Variants in CTNNA3 observed in about 807,000 individuals in gnomAD.
The protein encoded by CTNNA3 is catenin alpha 3.
A neutral mutation model predicts 95.7 loss-of-function variants in CTNNA3; 76 were observed. That is an observed-to-expected ratio of 0.79 (90% CI 0.66 to 0.96). The LOEUF is 0.96. Ranked by LOEUF, CTNNA3 falls within the 40% of genes least tolerant of loss-of-function variation. CTNNA3 has a pLI of 0.00. For missense variants in CTNNA3, 1,191 were observed against 1,089.8 expected (o/e 1.09, Z -1.31); for synonymous variants, 431 against 374.4 (o/e 1.15, Z -1.74).
At chr10:66,415,970 G>A (rs1262670051) in intron 11 of CTNNA3, among the ~76,000 whole-genome samples, 1 of 152,032 alleles carries the variant, frequency 6.6e-6, no homozygotes, top group Non-Finnish European at 1.5e-5. Flanking sequence ...CAAAGGAGAT[G>A]GAATTCATAA....
Position 66,438,355 on chromosome 10 carries a change from C to T in CTNNA3, c.1532-59003G>A, listed in dbSNP as rs139903129. 7.0e-3 allele frequency among the ~76,000 whole-genome samples: 1,066 copies of T among 152,270 alleles called. 9 individuals are homozygous for T. The highest frequency in any genetic ancestry group is 0.024 in the African/African-American group (1,015 of 41,558). ...GGAGTTGAGAGTTTTATTTATAAGC[C>T]CCTGACTGTGGCTTCTGCCTTTCTT... On this transcript the variant is annotated intron_variant, in intron 11 of 17. Coordinates refer to ENST00000433211, the MANE Select transcript of CTNNA3 (RefSeq NM_013266.4).
intron 1 of CTNNA3, among the ~76,000 whole-genome samples, chr10:67,647,941 C>G (rs57623587): frequency 6.6e-6 from 1 of 152,048 alleles, no homozygotes; most frequent in African/African-American, 2.4e-5. Context: ...AGACAAGGAA[C>G]AAGTAAACCT....
intron 5 of CTNNA3, among the ~76,000 whole-genome samples, chr10:67,452,455 C>A (rs1564659757): frequency 6.6e-6 from 1 of 152,004 alleles, no homozygotes. Context: ...TATGTGTGAG[C>A]AAGAATCACA....
intron 3 of CTNNA3, among the ~76,000 whole-genome samples, chr10:67,568,726 G>A (rs937586908): frequency 2.0e-5 from 3 of 151,942 alleles, no homozygotes; most frequent in Non-Finnish European, 2.9e-5. Context: ...TTTTGTTAAC[G>A]ATTCCTAAGT....
At chr10:66,953,528 T>G (rs911425047) in intron 7 of CTNNA3, among the ~76,000 whole-genome samples, 1 of 152,196 alleles carries the variant, frequency 6.6e-6, no homozygotes, top group Non-Finnish European at 1.5e-5. Flanking sequence ...AAAGACTCTT[T>G]GCTTGAAACA....
chr10:66,045,347 T>A (rs1439232760), intron 15 of CTNNA3, among the ~76,000 whole-genome samples: 2 of 152,170 alleles, frequency 1.3e-5, no homozygotes, highest in African/African-American at 4.8e-5. Context: ...AAATATTGTG[T>A]CTCTTTTGCT....
chr10:67,639,382 A>G (rs1180891077), intron 2 of CTNNA3, among the ~76,000 whole-genome samples: 2 of 152,190 alleles, frequency 1.3e-5, no homozygotes, highest in Non-Finnish European at 1.5e-5. Flanking sequence ...CCAACCAAAA[A>G]AAGTCCAGGA....
chr10:65,929,888 T>A (rs565192103), intron 17 of CTNNA3, among the ~76,000 whole-genome samples: 2 of 152,116 alleles, frequency 1.3e-5, no homozygotes, highest in East Asian at 3.9e-4. Context: ...TTTATAAGTT[T>A]ATAAGGTGAA....
Position 67,507,545 on chromosome 10 carries a change from G to C in CTNNA3, c.579+14297C>G, listed in dbSNP as rs143197413. 1.7e-3 allele frequency among the ~76,000 whole-genome samples: 248 copies of C among 148,556 alleles called. 3 individuals carry two copies. Among genetic ancestry groups the C allele is most frequent in the African/African-American group, 5.8e-3 (236 of 40,432 alleles). On this transcript the variant is annotated intron_variant, in intron 5 of 17. Coordinates refer to ENST00000433211, the MANE Select transcript of CTNNA3 (RefSeq NM_013266.4). The stretch of plus-strand genomic sequence containing the variant: ...GGGAAACTCCATCTCAAAAAAAAAA[G>C]GAAAGAAACAAAGAAAAAAAAAAAG...
chr10:66,796,260 G>C (rs1335795022), intron 7 of CTNNA3, among the ~76,000 whole-genome samples: 1 of 151,946 alleles, frequency 6.6e-6, no homozygotes, highest in South Asian at 2.1e-4. Context: ...CCTTTCACTT[G>C]AACACTTAAA....
intron 9 of CTNNA3, among the ~76,000 whole-genome samples, chr10:66,700,194 T>C (rs6480206): frequency 0.9 from 136,661 of 152,154 alleles, 61,583 homozygotes; most frequent in East Asian, 1. Context: ...GGTGTGATGT[T>C]CAAAATATCA....
At position 67,585,832 on chromosome 10, in the gene CTNNA3, A is replaced by G. The variant is rs990507630; in HGVS notation, c.292+21025T>C. On this transcript the variant is annotated intron_variant, in intron 3 of 17. Coordinates refer to ENST00000433211, the MANE Select transcript of CTNNA3 (RefSeq NM_013266.4). ...TTTAGTCTCTAATTCATTTAATTCT[A>G]CTCTGATTTTTGTTATTTCTTTTTT... Among the ~76,000 whole-genome samples, 4 of 148,764 alleles carry G rather than the reference A, an allele frequency of 2.7e-5. No homozygotes were observed. In the East Asian group the frequency reaches 6.0e-4, roughly 22 times the overall value.
In CTNNA3 at chr10:65,912,599, CAG is replaced by C; in HGVS notation, c.*7729_*7730del. On this transcript the variant is annotated 3_prime_UTR_variant, in exon 18 of 18. Coordinates refer to ENST00000433211, the MANE Select transcript of CTNNA3 (RefSeq NM_013266.4). The stretch of plus-strand genomic sequence containing the variant: ...AGTTGAACAAATTCTTAATGAGCTA[CAG>C]AGTGACATGAGTTGAAATTAGAATA... The C allele has an allele frequency of 6.6e-6, 1 of 152,154 alleles. No individual in the cohort carries two copies. Among genetic ancestry groups the C allele is most frequent in the Non-Finnish European group, 1.5e-5 (1 of 68,000 alleles). 9.4% of individuals were successfully genotyped at this position (152,154 alleles called of 1,614,324 possible).
Position 66,352,554 on chromosome 10 carries a change from T to C in CTNNA3, c.1732+26598A>G, listed in dbSNP as rs145366534. On this transcript the variant is annotated intron_variant, in intron 12 of 17. Transcript: ENST00000433211. ...GGCCTTGAACTCAGCTAAACCCATC[T>C]AGCCTAACACCATTGTATACTTTGG... Among the ~76,000 whole-genome samples the C allele has an allele frequency of 1.3e-3, 191 of 152,218 alleles. 5 individuals carry two copies. The highest frequency in any genetic ancestry group is 2.5e-3 in the South Asian group (12 of 4,828).
intron 7 of CTNNA3, among the ~76,000 whole-genome samples, chr10:66,930,052 A>G (rs1847289842): frequency 6.6e-6 from 1 of 151,726 alleles, no homozygotes; most frequent in African/African-American, 2.4e-5. Context: ...GGCTATTTTT[A>G]CTAATTTTTT....
intron 17 of CTNNA3, among the ~76,000 whole-genome samples, chr10:65,931,978 A>G (rs932903457): frequency 1.3e-5 from 2 of 152,226 alleles, no homozygotes; most frequent in Admixed American, 1.3e-4. Flanking sequence ...GTGGTTTTTA[A>G]TCACTGTGAT....
At chr10:67,535,584 GTGATAGGTAAGAT>G (rs1840464394) in intron 4 of CTNNA3, among the ~76,000 whole-genome samples, 1 of 152,126 alleles carries the variant, frequency 6.6e-6, no homozygotes, top group Non-Finnish European at 1.5e-5. Context: ...CAAGGCTACT[GTGATAGGTAAGAT>G]CATGTTAGAC....
Position 67,038,699 on chromosome 10 carries a change from C to T in CTNNA3, c.1047+141618G>A, listed in dbSNP as rs151174650. Among the ~76,000 whole-genome samples the T allele has an allele frequency of 1.4e-4, 22 of 152,132 alleles. No homozygotes were observed. In the East Asian group the frequency reaches 3.9e-3, roughly 27 times the overall value. ...TTTCCTATCAATTCCTAAGGTGAAA[C>T]AATTAACAGGGTTAACAGTCCAAAA... On this transcript the variant is annotated intron_variant, in intron 7 of 17. Transcript: ENST00000433211.
At chr10:66,346,246 T>TATAGAG (rs1416945569) in intron 12 of CTNNA3, among the ~76,000 whole-genome samples, 29 of 27,764 alleles carry the variant, frequency 1.0e-3, no homozygotes, top group African/African-American at 1.5e-3. Flanking sequence ...TATATATATA[T>TATAGAG]AGAGAGAGAG....
Sources: allele counts gnomAD v4.1 joint callset (sites outside exome capture counted in the v4.1 genomes callset), GRCh38; gene constraint gnomAD v4.1.1; transcripts MANE v1.5; gene names NCBI Gene and HGNC (gene_info 2026-07-23, HGNC 2026-07-21).